The following PKP4 variants were observed in gnomAD, a reference collection of about 807,000 sequenced individuals.
The protein encoded by PKP4 is plakophilin-4.
PKP4 carries 90 observed loss-of-function variants against 145.1 expected under a neutral mutation model. The observed-to-expected ratio is 0.62, with a 90% CI of 0.52 to 0.74. PKP4 has a LOEUF of 0.74. Among genes scored for constraint, PKP4 ranks in the 30% least tolerant of loss-of-function variants. The probability of loss-of-function intolerance (pLI) is 0.00; values close to 1 mark genes in which losing one functional copy is unlikely to be tolerated. For missense variants in PKP4, 1,340 were observed against 1,482.7 expected, an observed-to-expected ratio of 0.90 and a Z score of 1.58; for synonymous variants, 563 against 577.2, an observed-to-expected ratio of 0.98 and a Z score of 0.35.
intron 2 of PKP4, among the ~76,000 whole-genome samples, chr2:158,560,466 CAG>C (rs1282846961): frequency 6.6e-6 from 1 of 151,892 alleles, no homozygotes; most frequent in Non-Finnish European, 1.5e-5. Context: ...TTATTGAGAA[CAG>C]AATATGATCA....
At chr2:158,499,977 C>T (rs1280649698) in intron 1 of PKP4, among the ~76,000 whole-genome samples, 1 of 152,114 alleles carries the variant, frequency 6.6e-6, no homozygotes, top group Admixed American at 6.5e-5. Flanking sequence ...GATAATTTCC[C>T]AGAAATGTTA....
chr2:158,581,020 C>T (rs1425170271), intron 3 of PKP4, among the ~76,000 whole-genome samples: 1 of 152,160 alleles, frequency 6.6e-6, no homozygotes, highest in Non-Finnish European at 1.5e-5. Flanking sequence ...GATAATGAAC[C>T]TTAAGTCCAG....
chr2:158,599,100 A>G (rs547530818), intron 3 of PKP4, among the ~76,000 whole-genome samples: 3 of 152,310 alleles, frequency 2.0e-5, no homozygotes, highest in South Asian at 2.1e-4. Flanking sequence ...TTTATCCTGT[A>G]TGGATCTGTT....
At chr2:158,597,094 G>A (rs1263193733) in intron 3 of PKP4, among the ~76,000 whole-genome samples, 2 of 152,168 alleles carry the variant, frequency 1.3e-5, no homozygotes. Flanking sequence ...CTGTGACATT[G>A]ACATCAGAGT....
intron 11 of PKP4, among the ~76,000 whole-genome samples, chr2:158,657,579 G>T (rs1378724049): frequency 6.6e-6 from 1 of 152,192 alleles, no homozygotes; most frequent in East Asian, 1.9e-4. Context: ...AAACATCCAT[G>T]CCAGGAAAGT....
At chr2:158,648,930 G>A (rs553738406) in intron 11 of PKP4, among the ~76,000 whole-genome samples, 25 of 152,310 alleles carry the variant, frequency 1.6e-4, no homozygotes, top group Admixed American at 3.9e-4. Context: ...CCTGAAAGGC[G>A]GATGTTGCAG....
chr2:158,584,365 G>A (rs1401945279), intron 3 of PKP4, among the ~76,000 whole-genome samples: 1 of 152,216 alleles, frequency 6.6e-6, no homozygotes, highest in East Asian at 1.9e-4. Context: ...GTAGGTTAGG[G>A]ACCAGTGCAG....
rs545778691 is a variant in PKP4, at chr2:158,650,735, G to A, written c.1910-7396G>A. On this transcript the variant is annotated intron_variant, in intron 11 of 21. Coordinates refer to ENST00000389759, the MANE Select transcript of PKP4 (RefSeq NM_003628.6). ...CTGAAAGCTGAGATGGTGGTGTTCC[G>A]AGCACAGCTGGACCTGAGTGAGCTC... Among the ~76,000 whole-genome samples, 12 of 152,312 alleles carry A rather than the reference G, an allele frequency of 7.9e-5. No homozygotes were observed. In the East Asian group the frequency reaches 1.9e-3, roughly 25 times the overall value.
chr2:158,676,965 A>T, intron 20 of PKP4, 98 bp downstream of exon 20: 2 of 1,385,808 alleles, frequency 1.4e-6, no homozygotes, highest in Non-Finnish European at 2.0e-6. Flanking sequence ...TTGTATTGAG[A>T]CAGTCCCCCA....
chr2:158,478,445 A>G (rs1223035770), intron 1 of PKP4, among the ~76,000 whole-genome samples: 1 of 152,144 alleles, frequency 6.6e-6, no homozygotes, highest in African/African-American at 2.4e-5. Flanking sequence ...ATGTTTTAGA[A>G]GAGTCGTACT....
At position 158,457,114 on chromosome 2, in the gene PKP4, G is replaced by T. The variant is rs1183619480; in HGVS notation, c.-110G>T. ...GGGGGAGGGAGGGGCGGGCAGCCGC[G>T]CCGCCGCGGCACTTTTTTAATTTTT... On this transcript the variant is annotated 5_prime_UTR_variant, in exon 1 of 22. Transcript: ENST00000389759. The T allele has an allele frequency of 5.9e-5, 9 of 151,488 alleles. No homozygotes were observed. The highest frequency in any genetic ancestry group is 2.2e-4 in the African/African-American group (9 of 41,404). 9.4% of individuals were successfully genotyped at this position (151,488 alleles called of 1,614,324 possible).
chr2:158,634,443 A>G lies in PKP4; in HGVS notation c.1562+154A>G. The G allele has an allele frequency of 5.1e-6, 3 of 584,996 alleles. 1 individual carries two copies. Among genetic ancestry groups the G allele is most frequent in the South Asian group, 4.7e-5 (2 of 42,602 alleles). 36.2% of individuals were successfully genotyped at this position (584,996 alleles called of 1,614,324 possible). A position where few individuals can be genotyped will look rare whatever the true frequency, so the allele number is the denominator to read the frequency against. ...TAATACTTCCAGTTGTATTCCAGCT[A>G]TATAGGTCATTGAGGTTAATTTCAT... On this transcript the variant is annotated intron_variant, in intron 9 of 21. Transcript: ENST00000389759.
chr2:158,469,598 A>G (rs1172667654), intron 1 of PKP4, among the ~76,000 whole-genome samples: 1 of 152,178 alleles, frequency 6.6e-6, no homozygotes, highest in East Asian at 1.9e-4. Flanking sequence ...AAATACCATC[A>G]GATTACTTAA....
intron 2 of PKP4, among the ~76,000 whole-genome samples, chr2:158,538,272 C>T (rs1161435523): frequency 1.3e-5 from 2 of 152,120 alleles, no homozygotes; most frequent in East Asian, 3.9e-4. Context: ...GTATTATTAT[C>T]AAGTGGTAGA....
intron 11 of PKP4, among the ~76,000 whole-genome samples, chr2:158,650,551 ACAAATTT>A: frequency 6.6e-6 from 1 of 152,298 alleles, no homozygotes; most frequent in East Asian, 1.9e-4. Flanking sequence ...CCAACTGGGG[ACAAATTT>A]CAGCAGCAGG....
chr2:158,533,522 T>C, intron 2 of PKP4: 1 of 655,402 alleles, frequency 1.5e-6, no homozygotes. Context: ...GCAGGATACT[T>C]GTGCGTCTGC....
intron 20 of PKP4, chr2:158,677,355 G>T: frequency 5.0e-6 from 1 of 199,704 alleles, no homozygotes; most frequent in African/African-American, 2.3e-5. Context: ...GGTATAATGT[G>T]ATTCTTCTCA....
chr2:158,521,684 C>G (rs564132167), intron 1 of PKP4, among the ~76,000 whole-genome samples: 1 of 152,224 alleles, frequency 6.6e-6, no homozygotes, highest in South Asian at 2.1e-4. Context: ...TTTTAGAATT[C>G]TAGACTCGAT....
intron 2 of PKP4, among the ~76,000 whole-genome samples, chr2:158,557,444 T>C (rs866906646): frequency 6.6e-6 from 1 of 152,176 alleles, no homozygotes; most frequent in African/African-American, 2.4e-5. Context: ...TCCTGAATTA[T>C]ATACATGCAA....
Sources: allele counts gnomAD v4.1 joint callset (sites outside exome capture counted in the v4.1 genomes callset), GRCh38; gene constraint gnomAD v4.1.1; transcripts MANE v1.5; gene names NCBI Gene and HGNC (gene_info 2026-07-23, HGNC 2026-07-21).